The following RBFOX1 variants were observed in gnomAD, a reference collection of about 807,000 sequenced individuals.
RBFOX1 encodes RNA binding protein fox-1 homolog 1.
Under a neutral mutation model 57.7 loss-of-function variants are expected in RBFOX1, and 8 were observed. The observed-to-expected ratio is 0.14, with a 90% CI of 0.08 to 0.25. The LOEUF is 0.25. Among genes scored for constraint, RBFOX1 ranks in the 10% least tolerant of loss-of-function variants. The pLI, the probability that RBFOX1 is intolerant of heterozygous loss-of-function variation, is 1.00. For synonymous variants in RBFOX1, 326 were observed against 222.4 expected, an observed-to-expected ratio of 1.47 and a Z score of -4.15; for missense variants, 611 against 548.5, an observed-to-expected ratio of 1.11 and a Z score of -1.14.
At chr16:7,006,568 C>T (rs934298329) in intron 3 of RBFOX1, among the ~76,000 whole-genome samples, 5 of 152,176 alleles carry the variant, frequency 3.3e-5, no homozygotes, top group East Asian at 3.9e-4. Context: ...TCCCACCTCA[C>T]CTTCCTGAGT....
chr16:6,322,381 T>G (rs2081912708), intron 2 of RBFOX1, among the ~76,000 whole-genome samples: 2 of 152,352 alleles, frequency 1.3e-5, no homozygotes, highest in South Asian at 4.1e-4. Context: ...GTTCATCTCT[T>G]GATATCTAAA....
intron 1 of RBFOX1, among the ~76,000 whole-genome samples, chr16:6,242,463 A>G (rs893358755): frequency 9.2e-5 from 14 of 151,930 alleles, no homozygotes; most frequent in African/African-American, 3.1e-4. Context: ...TCCTGGCCAT[A>G]AATAATCCTC....
At chr16:7,344,431 G>T (rs1430179582) in intron 4 of RBFOX1, among the ~76,000 whole-genome samples, 1 of 149,792 alleles carries the variant, frequency 6.7e-6, no homozygotes, top group Non-Finnish European at 1.5e-5. Flanking sequence ...GCAATAATAT[G>T]TATTTTATGT....
At chr16:6,387,357 A>G (rs949261395) in intron 2 of RBFOX1, among the ~76,000 whole-genome samples, 1 of 151,808 alleles carries the variant, frequency 6.6e-6, no homozygotes, top group African/African-American at 2.4e-5. Flanking sequence ...TGTTGTTCTC[A>G]TTGGAATCTT....
intron 3 of RBFOX1, among the ~76,000 whole-genome samples, chr16:6,719,950 C>T (rs184875635): frequency 5.9e-5 from 9 of 151,684 alleles, no homozygotes; most frequent in Admixed American, 1.3e-4. Flanking sequence ...AGAAATTAGC[C>T]GGGGGTGATG....
At chr16:7,011,334 G>T (rs2093643436) in intron 3 of RBFOX1, among the ~76,000 whole-genome samples, 1 of 152,178 alleles carries the variant, frequency 6.6e-6, no homozygotes, top group East Asian at 1.9e-4. Flanking sequence ...CTGAAGCCCA[G>T]AAAGCTTAAG....
At chr16:6,750,193 T>A (rs1024661945) in intron 3 of RBFOX1, among the ~76,000 whole-genome samples, 16 of 152,156 alleles carry the variant, frequency 1.1e-4, no homozygotes, top group African/African-American at 3.9e-4. Context: ...GAAAAAGAAA[T>A]AGCAAAACCT....
chr16:7,388,825 G>A (rs1287188026), intron 4 of RBFOX1, among the ~76,000 whole-genome samples: 3 of 151,972 alleles, frequency 2.0e-5, no homozygotes, highest in Admixed American at 6.6e-5. Context: ...CTTCTTTAAG[G>A]TAGAGAAGAC....
chr16:6,664,834 C>G (rs1367440907), intron 3 of RBFOX1, among the ~76,000 whole-genome samples: 1 of 152,184 alleles, frequency 6.6e-6, no homozygotes, highest in African/African-American at 2.4e-5. Context: ...TGCAGTCAAA[C>G]GGATCTGGAG....
At chr16:7,093,543 C>T (rs1055748601) in intron 4 of RBFOX1, among the ~76,000 whole-genome samples, 3 of 152,188 alleles carry the variant, frequency 2.0e-5, no homozygotes, top group African/African-American at 7.2e-5. Flanking sequence ...ACTCTTCAGG[C>T]AGAGGAATGA....
intron 4 of RBFOX1, among the ~76,000 whole-genome samples, chr16:5,941,490 A>C (rs998989722): frequency 6.6e-6 from 1 of 151,826 alleles, no homozygotes; most frequent in Non-Finnish European, 1.5e-5. Flanking sequence ...ATCTTATCTC[A>C]AGGAAAAAAA....
chr16:6,562,072 A>G (rs1412408615), intron 2 of RBFOX1, among the ~76,000 whole-genome samples: 1 of 152,282 alleles, frequency 6.6e-6, no homozygotes, highest in South Asian at 2.1e-4. Flanking sequence ...TTCCATCATT[A>G]CTGATGTTCA....
chr16:5,279,739 T>G (rs2063226597), intron 1 of RBFOX1, among the ~76,000 whole-genome samples: 1 of 152,148 alleles, frequency 6.6e-6, no homozygotes, highest in Non-Finnish European at 1.5e-5. Context: ...CAACCTCAGG[T>G]GATCCACCCA....
chr16:6,669,260 C>CGT (rs1197727516), intron 3 of RBFOX1, among the ~76,000 whole-genome samples: 1 of 152,084 alleles, frequency 6.6e-6, no homozygotes, highest in African/African-American at 2.4e-5. Flanking sequence ...AAACCATGCC[C>CGT]GTGTGTGTGC....
intron 3 of RBFOX1, among the ~76,000 whole-genome samples, chr16:5,702,584 G>A (rs2051092039): frequency 6.6e-6 from 1 of 152,192 alleles, no homozygotes; most frequent in African/African-American, 2.4e-5. Flanking sequence ...GTTTGAGAGA[G>A]GATTTTATAC....
intron 4 of RBFOX1, among the ~76,000 whole-genome samples, chr16:5,969,353 C>G (rs2059916474): frequency 2.1e-5 from 3 of 144,778 alleles, no homozygotes; most frequent in Non-Finnish European, 4.5e-5. Context: ...TCACTGTCAC[C>G]CGGGCTGGAG....
intron 2 of RBFOX1, among the ~76,000 whole-genome samples, chr16:6,338,173 G>A (rs1020308609): frequency 3.3e-5 from 5 of 152,124 alleles, no homozygotes; most frequent in African/African-American, 1.2e-4. Context: ...TTTCCATTAA[G>A]TATTACATTT....
chr16:6,716,939 A>G (rs1002628496), intron 3 of RBFOX1, among the ~76,000 whole-genome samples: 1 of 152,208 alleles, frequency 6.6e-6, no homozygotes, highest in Non-Finnish European at 1.5e-5. Context: ...TTGGAAGGCC[A>G]TTATATCACT....
chr16:6,837,573 C>G (rs777116512), intron 3 of RBFOX1, among the ~76,000 whole-genome samples: 10 of 152,200 alleles, frequency 6.6e-5, no homozygotes, highest in Non-Finnish European at 1.0e-4. Flanking sequence ...TGGGCTCAGA[C>G]TGGTTTTGAG....
Sources: allele counts gnomAD v4.1 joint callset (sites outside exome capture counted in the v4.1 genomes callset), GRCh38; gene constraint gnomAD v4.1.1; transcripts MANE v1.5; gene names NCBI Gene and HGNC (gene_info 2026-07-23, HGNC 2026-07-21).